FMN1: variants seen among roughly 807,000 people sequenced by gnomAD.
FMN1 encodes the protein formin 1.
FMN1 carries 110 observed loss-of-function variants against 132.4 expected under a neutral mutation model. That is an observed-to-expected ratio of 0.83 (90% CI 0.71 to 0.97). The LOEUF is 0.97. Among genes scored for constraint, FMN1 ranks in the 50% least tolerant of loss-of-function variants. FMN1 has a pLI of 0.00. For missense variants in FMN1, 1,792 were observed against 1,705.3 expected (o/e 1.05, Z -0.90); for synonymous variants, 722 against 651.7 (o/e 1.11, Z -1.64).
intron 17 of FMN1, among the ~76,000 whole-genome samples, chr15:32,825,562 A>G (rs1228171888): frequency 6.6e-6 from 1 of 152,144 alleles, no homozygotes; most frequent in Non-Finnish European, 1.5e-5. Flanking sequence ...CTTCAGCCAA[A>G]CCTAAACTTT....
rs372551797 is a variant in FMN1 at position 32,798,988 on chromosome 15, G to C, written c.3981-35C>G. 2.5e-6 allele frequency: 4 copies of C among 1,598,882 alleles called. 1 individual carries two copies. The South Asian group carries it at 3.4e-5, about 14-fold the overall frequency. ...GTAGGGGGGAAAATGGAATGAGGTA[G>C]AGGTGAGAAATTGCCAACACTAAAA... On this transcript the variant is annotated intron_variant, in intron 18 of 20. Coordinates refer to ENST00000616417, the MANE Select transcript of FMN1 (RefSeq NM_001277313.2).
rs757780157 is a variant in FMN1, at chr15:33,154,201, T to G, written c.714A>C (p.Pro238=). 2 of 1,536,172 alleles carry G rather than the reference T, an allele frequency of 1.3e-6. No individual in the cohort carries two copies. Among genetic ancestry groups the G allele is most frequent in the African/African-American group, 1.4e-5 (1 of 73,018 alleles). Residue 238 remains proline (P), a synonymous_variant, in exon 4 of 21, where the codon CCA becomes CCC. Transcript: ENST00000616417. ...CTGTGTCTGGCGTCTTGGGAATATC[T>G]GGGGGGCAGCTCTCTCTCCTCTGCA... ...CSLQRRESCP[P]DIPKTPDTDL...
At chr15:32,975,924 G>T (rs893131437) in intron 7 of FMN1, among the ~76,000 whole-genome samples, 1 of 151,876 alleles carries the variant, frequency 6.6e-6, no homozygotes, top group African/African-American at 2.4e-5. Context: ...AGATATCATC[G>T]AAGGAACACA....
At chr15:33,064,821 A>G (rs2037644265) in intron 6 of FMN1, 136 bp downstream of exon 6, 1 of 589,812 alleles carries the variant, frequency 1.7e-6, no homozygotes, top group Non-Finnish European at 2.9e-6. Context: ...TTTAACAGCA[A>G]AACCAAAAAG....
chr15:32,782,426 T>C (rs2056694656), intron 19 of FMN1, among the ~76,000 whole-genome samples: 1 of 152,234 alleles, frequency 6.6e-6, no homozygotes, highest in South Asian at 2.1e-4. Context: ...TTCCAGTTAC[T>C]GATTAGCTGA....
At position 33,056,513 on chromosome 15, in the gene FMN1, G is replaced by A. The variant is rs116130658; in HGVS notation, c.2161+8444C>T. ...TATTTTAAACACAGTTTGAACAGTA[G>A]GCCCCCTTTGATTGGCCAAAACTCA... On this transcript the variant is annotated intron_variant, in intron 6 of 20. Transcript: ENST00000616417. Among the ~76,000 whole-genome samples, 299 of 152,286 alleles carry A rather than the reference G, an allele frequency of 2.0e-3. 2 individuals carry two copies. Among genetic ancestry groups the A allele is most frequent in the African/African-American group, 6.9e-3 (286 of 41,540 alleles).
intron 16 of FMN1, among the ~76,000 whole-genome samples, chr15:32,880,980 C>A (rs983139367): frequency 1.3e-5 from 2 of 152,130 alleles, no homozygotes; most frequent in East Asian, 3.9e-4. Context: ...CTCCTAAATC[C>A]TAGTTCAGTG....
chr15:32,904,373 G>A (rs1407493880), intron 12 of FMN1, among the ~76,000 whole-genome samples: 1 of 152,214 alleles, frequency 6.6e-6, no homozygotes, highest in Non-Finnish European at 1.5e-5. Flanking sequence ...CTAAAATACA[G>A]GGTTTAAACT....
intron 6 of FMN1, among the ~76,000 whole-genome samples, chr15:33,014,822 A>T (rs896653498): frequency 6.6e-6 from 1 of 152,224 alleles, no homozygotes; most frequent in Non-Finnish European, 1.5e-5. Flanking sequence ...TGAAGAGCAG[A>T]ATTACAGATG....
At chr15:32,897,948 G>A (rs1377196657) in intron 15 of FMN1, among the ~76,000 whole-genome samples, 1 of 152,130 alleles carries the variant, frequency 6.6e-6, no homozygotes, top group East Asian at 1.9e-4. Context: ...CAAAAACTAC[G>A]ATATTCTTAA....
chr15:33,131,536 C>T (rs949105504), intron 4 of FMN1, among the ~76,000 whole-genome samples: 5 of 152,158 alleles, frequency 3.3e-5, no homozygotes, highest in African/African-American at 1.2e-4. Flanking sequence ...ACTGCATATT[C>T]TTCATGATCT....
intron 5 of FMN1, chr15:33,066,957 A>C (rs753188363): frequency 1.2e-6 from 2 of 1,613,958 alleles, no homozygotes; most frequent in East Asian, 4.5e-5. Flanking sequence ...GGCTGCGTCA[A>C]TTTGAGCAAA....
At chr15:33,066,369 A>G in intron 5 of FMN1, 1 of 745,448 alleles carries the variant, frequency 1.3e-6, no homozygotes, top group Non-Finnish European at 2.1e-6. Flanking sequence ...TACTCCTTAC[A>G]GGACAATATA....
At chr15:33,183,543 T>G (rs948492218) in intron 2 of FMN1, among the ~76,000 whole-genome samples, 1 of 152,200 alleles carries the variant, frequency 6.6e-6, no homozygotes, top group African/African-American at 2.4e-5. Context: ...GAGTAGACAC[T>G]CAATAACATT....
At chr15:32,811,812 A>G (rs1384412159) in intron 17 of FMN1, among the ~76,000 whole-genome samples, 1 of 151,960 alleles carries the variant, frequency 6.6e-6, no homozygotes, top group Non-Finnish European at 1.5e-5. Flanking sequence ...TTACAGGCAC[A>G]TGCCACCATG....
intron 6 of FMN1, among the ~76,000 whole-genome samples, chr15:33,061,627 A>G (rs1350465584): frequency 6.6e-6 from 1 of 152,106 alleles, no homozygotes; most frequent in Non-Finnish European, 1.5e-5. Flanking sequence ...ATATAAGGAA[A>G]TCCAAAAACA....
chr15:32,768,797 A>G lies in FMN1; in HGVS notation c.*5513T>C, dbSNP rs1293748389. On this transcript the variant is annotated 3_prime_UTR_variant, in exon 21 of 21. Coordinates refer to ENST00000616417, the MANE Select transcript of FMN1 (RefSeq NM_001277313.2). ...TTTAAGAGAAGATTTAAAAATAGAA[A>G]ATTACATAAGCGTAGAGGGAATGTA... The G allele has an allele frequency of 6.6e-6, 1 of 152,218 alleles. No homozygotes were observed. The highest frequency in any genetic ancestry group is 2.4e-5 in the African/African-American group (1 of 41,454). The allele number at this position is 152,218 out of a possible 1,614,324, so 9.4% of individuals were successfully genotyped here.
In FMN1 at chr15:32,969,261, T is replaced by C; in HGVS notation, c.2440A>G (p.Lys814Glu). 1.2e-6 allele frequency: 2 copies of C among 1,613,946 alleles called. No homozygotes were observed. The highest frequency in any genetic ancestry group is 1.1e-5 in the South Asian group (1 of 91,078). Residue 814 changes from lysine (K) to glutamate (E), a missense_variant, in exon 8 of 21, where the codon AAG becomes GAG. Physicochemically the swap from Lys to Glu is moderately conservative, Grantham distance 56 (BLOSUM62 1). This residue lies in a region of FMN1 where 1,150 missense variants were observed against 1,043.1 expected (regional missense o/e 1.10). Transcript: ENST00000616417. ...CVQTDRETFL[K>E]PCESESKTTR... is the part of the protein sequence containing the mutation. ...GTCTTGCTTTCACTTTCACAGGGCTTGAGGAAGGTCTCTCTGTCTGTCTGG... is the reference window on the plus strand; with the variant it reads ...GTCTTGCTTTCACTTTCACAGGGCTCGAGGAAGGTCTCTCTGTCTGTCTGG...
intron 9 of FMN1, among the ~76,000 whole-genome samples, chr15:32,939,798 C>T (rs191220007): frequency 9.2e-5 from 14 of 152,200 alleles, no homozygotes; most frequent in South Asian, 8.3e-4. Context: ...ATTTACTGAA[C>T]GCTGTGGACT....
Sources: allele counts gnomAD v4.1 joint callset (sites outside exome capture counted in the v4.1 genomes callset), GRCh38; gene constraint gnomAD v4.1.1; regional missense constraint gnomAD v4.1.1; transcripts MANE v1.5; gene names NCBI Gene and HGNC (gene_info 2026-07-23, HGNC 2026-07-21).